Variants in ALDH16A1 observed in about 807,000 individuals in gnomAD.
The protein encoded by ALDH16A1 is aldehyde dehydrogenase 16 family member A1.
ALDH16A1 carries 88 observed loss-of-function variants against 96.1 expected under a neutral mutation model. The observed-to-expected ratio is 0.92, with a 90% CI of 0.77 to 1.09. The LOEUF is 1.09. ALDH16A1 is among the 50% of genes least tolerant of loss of function. The pLI is 0.00. For synonymous variants in ALDH16A1, 522 were observed against 496.4 expected, an observed-to-expected ratio of 1.05 and a Z score of -0.69; for missense variants, 1,250 against 1,112.6, an observed-to-expected ratio of 1.12 and a Z score of -1.76.
chr19:49,455,188 C>T (rs1389935097), intron 1 of ALDH16A1, among the ~76,000 whole-genome samples: 5 of 147,634 alleles, frequency 3.4e-5, no homozygotes, highest in African/African-American at 5.0e-5. Context: ...GAGGCCGAGG[C>T]GGGCGGATCA....
intron 5 of ALDH16A1, among the ~76,000 whole-genome samples, chr19:49,461,394 CTGGAGT>C (rs2122386863): frequency 6.9e-6 from 1 of 144,104 alleles, no homozygotes; most frequent in Non-Finnish European, 1.5e-5. Flanking sequence ...GGAGGAGGGG[CTGGAGT>C]CTGGACTCCT....
intron 1 of ALDH16A1, among the ~76,000 whole-genome samples, chr19:49,455,751 T>C (rs1248576148): frequency 1.3e-5 from 2 of 152,064 alleles, no homozygotes; most frequent in Non-Finnish European, 2.9e-5. Context: ...AAATAAAACA[T>C]AAAAAGTGAA....
intron 1 of ALDH16A1, among the ~76,000 whole-genome samples, chr19:49,456,485 A>G (rs116447500): frequency 2.1e-3 from 316 of 152,236 alleles, no homozygotes; most frequent in African/African-American, 7.3e-3. Context: ...CCTGGACCCA[A>G]GCAATCCTCC....
Position 49,459,589 on chromosome 19 carries a change from G to A in ALDH16A1, c.321-81G>A. ...GCCTCAGGGGCTCATGGGGATTGTA[G>A]TCCAGGTATATAGGAGCAGCCCAGG... On this transcript the variant is annotated intron_variant, in intron 3 of 16. Coordinates refer to ENST00000293350, the MANE Select transcript of ALDH16A1 (RefSeq NM_153329.4). The surrounding 1 kb of genome is among the most constrained non-coding windows in gnomAD (Gnocchi z 4.1). 2.7e-6 allele frequency: 4 copies of A among 1,472,562 alleles called. No individual in the cohort carries two copies. The highest frequency in any genetic ancestry group is 2.5e-4 in the Middle Eastern group (1 of 3,962). 91.2% of individuals were successfully genotyped at this position (1,472,562 alleles called of 1,614,324 possible). A position where few individuals can be genotyped will look rare whatever the true frequency, so the allele number is the denominator to read the frequency against.
At chr19:49,454,623 G>C (rs1300039906) in intron 1 of ALDH16A1, among the ~76,000 whole-genome samples, 2 of 152,114 alleles carry the variant, frequency 1.3e-5, no homozygotes, top group East Asian at 3.9e-4. Context: ...GATCCCCCAG[G>C]GTCCCCCAGC....
rs55713893 is a variant in ALDH16A1, at chr19:49,470,648, C to CTTT, written c.*197_*199dup. ...CTTCTGGCAGATATGAGGCTTTTTT[C>CTTT]TTTTTTTTTTTTTTTTTTGAGACAA... On this transcript the variant is annotated 3_prime_UTR_variant, in exon 17 of 17. Coordinates refer to ENST00000293350, the MANE Select transcript of ALDH16A1 (RefSeq NM_153329.4). 4,214 of 340,494 alleles carry CTTT rather than the reference C, an allele frequency of 0.012. 44 individuals are homozygous for CTTT. The highest frequency in any genetic ancestry group is 0.03 in the African/African-American group (1,150 of 38,478). 21.1% of individuals were successfully genotyped at this position (340,494 alleles called of 1,614,324 possible).
In ALDH16A1 at chr19:49,463,898, CCCAA is replaced by C. The variant is rs2079174967; in HGVS notation, c.1146_1149del (p.Thr383TrpfsTer118). 1.9e-6 allele frequency: 3 copies of C among 1,613,508 alleles called. No homozygotes were observed. The highest frequency in any genetic ancestry group is 2.5e-6 in the Non-Finnish European group (3 of 1,179,640). Reference sequence around the variant, plus strand: ...TGCCTTCGGAACGCCCATTCTATCCCCCAACCTTGGTCTCCAACCTGCCCCCAGC... The same window carrying C: ...TGCCTTCGGAACGCCCATTCTATCCCCCTTGGTCTCCAACCTGCCCCCAGC... On this transcript the variant is annotated frameshift_variant, in exon 9 of 17. Coordinates refer to ENST00000293350, the MANE Select transcript of ALDH16A1 (RefSeq NM_153329.4). LOFTEE classifies it high-confidence loss of function.
chr19:49,459,773 G>A lies in ALDH16A1; in HGVS notation c.424G>A (p.Ala142Thr). ...REVRDGDVQL[A>T]QQLLHYHAIQ... ...GGTTCGAGACGGGGACGTCCAGCTG[G>A]CCCAGCAGCTGCTCCACTACCATGC... Residue 142 changes from alanine (A) to threonine (T), a missense_variant, in exon 4 of 17, where the codon GCC becomes ACC. Coordinates refer to ENST00000293350, the MANE Select transcript of ALDH16A1 (RefSeq NM_153329.4). This position sits in a 1 kb window ranked among gnomAD's most constrained non-coding sequence, Gnocchi z 4.1. 5 of 1,613,490 alleles carry A rather than the reference G, an allele frequency of 3.1e-6. No homozygotes were observed. The highest frequency in any genetic ancestry group is 4.5e-5 in the East Asian group (2 of 44,852).
intron 9 of ALDH16A1, 69 bp downstream of exon 9, chr19:49,464,018 A>T: frequency 6.3e-7 from 1 of 1,578,190 alleles, no homozygotes; most frequent in South Asian, 1.2e-5. Flanking sequence ...TGCCTGGGGA[A>T]GCCCTTGGGG....
At chr19:49,464,002 G>C (rs1467089571) in intron 9 of ALDH16A1, 53 bp downstream of exon 9, 2 of 1,583,230 alleles carry the variant, frequency 1.3e-6, no homozygotes, top group African/African-American at 1.3e-5. Context: ...AAGGGCAGCA[G>C]CTCTGTGCCT....
intron 7 of ALDH16A1, 32 bp downstream of exon 7, chr19:49,462,068 C>A (rs1408819106): frequency 1.3e-6 from 2 of 1,512,018 alleles, no homozygotes; most frequent in Admixed American, 2.4e-5. Context: ...CTCCTCATAC[C>A]CTGGAGGCCG....
intron 5 of ALDH16A1, among the ~76,000 whole-genome samples, chr19:49,461,182 GGT>G (rs2079139882): frequency 2.9e-4 from 10 of 34,746 alleles, no homozygotes; most frequent in African/African-American, 1.5e-3. Context: ...GAGGGGCTGG[GGT>G]CTGGATTCCT....
At chr19:49,461,845 C>A (rs1217158861) in intron 6 of ALDH16A1, 39 bp from the exon 7 acceptor site, 7 of 1,599,062 alleles carry the variant, frequency 4.4e-6, no homozygotes, top group Non-Finnish European at 8.5e-7. Flanking sequence ...CTGGGGGCCG[C>A]AAGGCTCCTC....
At chr19:49,466,653 G>A (rs973730877) in intron 14 of ALDH16A1, among the ~76,000 whole-genome samples, 11 of 152,154 alleles carry the variant, frequency 7.2e-5, no homozygotes, top group African/African-American at 2.7e-4. Context: ...GAGGTCAGGA[G>A]ATCGAGACCA....
At chr19:49,462,403 G>A (rs549020465) in intron 7 of ALDH16A1, among the ~76,000 whole-genome samples, 167 bp from the exon 8 acceptor site, 23 of 152,308 alleles carry the variant, frequency 1.5e-4, no homozygotes, top group African/African-American at 5.5e-4. Context: ...CCAAAGTGCT[G>A]GGACTGCAGG....
At position 49,470,380 on chromosome 19, in the gene ALDH16A1, C is replaced by G; in HGVS notation, c.2322C>G (p.Ala774=). The G allele has an allele frequency of 6.2e-7, 1 of 1,612,930 alleles. No individual in the cohort carries two copies. Among genetic ancestry groups the G allele is most frequent in the Non-Finnish European group, 8.5e-7 (1 of 1,179,766 alleles). Residue 774 remains alanine, a synonymous_variant, in exon 17 of 17, where the codon GCC becomes GCG. Coordinates refer to ENST00000293350, the MANE Select transcript of ALDH16A1 (RefSeq NM_153329.4). ...GGGCGAGCAGGGGCTGCCCGCGGGC[C>G]TGGGACCAGGAGGCCGAGGGGGCAG... ...PVWASRGCPR[A]WDQEAEGAGP...
In ALDH16A1 at chr19:49,470,844, C is replaced by T. The variant is rs1471269914; in HGVS notation, c.*377C>T. On this transcript the variant is annotated 3_prime_UTR_variant, in exon 17 of 17. Transcript: ENST00000293350. ...CCATTTTAGTTCTGAGGTTGAGCAG[C>T]TCAGGAGCCGGCTCCAGCACGGTGC... 1.2e-5 allele frequency: 2 copies of T among 167,920 alleles called. No individual in the cohort carries two copies. The highest frequency in any genetic ancestry group is 1.6e-4 in the East Asian group (1 of 6,166). 10.4% of individuals were successfully genotyped at this position (167,920 alleles called of 1,614,324 possible).
chr19:49,459,616 C>T lies in ALDH16A1; in HGVS notation c.321-54C>T. ...CCAGGTATATAGGAGCAGCCCAGGA[C>T]TCTGCAAGGCTGAGGGCCGTTGGAA... On this transcript the variant is annotated intron_variant, in intron 3 of 16. Transcript: ENST00000293350. The surrounding 1 kb of genome is among the most constrained non-coding windows in gnomAD (Gnocchi z 4.1). 2 of 1,547,650 alleles carry T rather than the reference C, an allele frequency of 1.3e-6. No individual in the cohort carries two copies. Among genetic ancestry groups the T allele is most frequent in the Non-Finnish European group, 1.7e-6 (2 of 1,148,602 alleles).
At position 49,459,955 on chromosome 19, in the gene ALDH16A1, G is replaced by T; in HGVS notation, c.499+107G>T. The T allele has an allele frequency of 7.4e-7, 1 of 1,349,472 alleles. No homozygotes were observed. The highest frequency in any genetic ancestry group is 9.9e-7 in the Non-Finnish European group (1 of 1,011,896). The allele number at this position is 1,349,472 out of a possible 1,614,324, so 83.6% of individuals were successfully genotyped here. ...GACAGAGTTTCGCTCTTGTCGCCCA[G>T]GCCGGAGTGCAGTGGCGCAATCTTG... On this transcript the variant is annotated intron_variant, in intron 4 of 16. Transcript: ENST00000293350. The surrounding 1 kb of genome is among the most constrained non-coding windows in gnomAD (Gnocchi z 4.1).
Sources: allele counts gnomAD v4.1 joint callset (sites outside exome capture counted in the v4.1 genomes callset), GRCh38; gene constraint gnomAD v4.1.1; non-coding constraint Gnocchi (gnomAD v3.1); transcripts MANE v1.5; gene names NCBI Gene and HGNC (gene_info 2026-07-23, HGNC 2026-07-21).